Variants in GPHN observed in about 807,000 individuals in gnomAD.
GPHN encodes the protein gephyrin.
Under a neutral mutation model 95.5 loss-of-function variants are expected in GPHN, and 17 were observed. That is an observed-to-expected ratio of 0.18 (90% CI 0.12 to 0.27). The LOEUF (loss-of-function observed/expected upper bound fraction) is 0.27, where lower values mean the gene tolerates loss of function less well. GPHN is among the 10% of genes least tolerant of loss of function. GPHN has a pLI of 1.00. For missense variants in GPHN, 660 were observed against 978.1 expected (o/e 0.67, Z 4.34); for synonymous variants, 320 against 322.5 (o/e 0.99, Z 0.08).
intron 11 of GPHN, among the ~76,000 whole-genome samples, chr14:67,069,939 T>A: frequency 6.6e-6 from 1 of 152,240 alleles, no homozygotes; most frequent in East Asian, 1.9e-4. Context: ...CATATATTTT[T>A]ATTATCCAAA....
chr14:67,323,641 T>A, the GPHN span: 1 of 525,024 alleles, frequency 1.9e-6, no homozygotes. Flanking sequence ...TATATATCAG[T>A]ATTATTAGGA....
chr14:67,028,222 T>C (rs564779812), intron 10 of GPHN, among the ~76,000 whole-genome samples: 1 of 152,344 alleles, frequency 6.6e-6, no homozygotes, highest in African/African-American at 2.4e-5. Context: ...TTTTAAATAG[T>C]AGTCCATTGT....
the GPHN span, among the ~76,000 whole-genome samples, chr14:67,657,598 G>GCACGCACACACACACA: frequency 8.9e-6 from 1 of 112,372 alleles, no homozygotes; most frequent in African/African-American, 3.5e-5. Context: ...GCGCGCGCGT[G>GCACGCACACACACACA]CACACACACA....
intron 9 of GPHN, among the ~76,000 whole-genome samples, chr14:67,011,100 T>C (rs1386672542): frequency 6.6e-6 from 1 of 152,168 alleles, no homozygotes; most frequent in Non-Finnish European, 1.5e-5. Context: ...ATGTTTCAAA[T>C]GTTATATATA....
At chr14:67,690,410 G>T in the GPHN span, 2 of 1,614,106 alleles carry the variant, frequency 1.2e-6, no homozygotes, top group Non-Finnish European at 1.7e-6. Flanking sequence ...AGATGGGTTA[G>T]GAGGAAGTGA....
At chr14:67,377,064 T>C in the GPHN span, among the ~76,000 whole-genome samples, 1 of 152,158 alleles carries the variant, frequency 6.6e-6, no homozygotes, top group African/African-American at 2.4e-5. Flanking sequence ...GGTCCTATTA[T>C]TTGTCATCTT....
chr14:66,914,236 A>G (rs891201485), intron 5 of GPHN, among the ~76,000 whole-genome samples: 5 of 152,172 alleles, frequency 3.3e-5, no homozygotes, highest in African/African-American at 1.2e-4. Flanking sequence ...TTGGAGACAT[A>G]AAAAGCCTGG....
At chr14:66,842,028 G>C (rs770648751) in intron 4 of GPHN, among the ~76,000 whole-genome samples, 202 of 152,030 alleles carry the variant, frequency 1.3e-3, no homozygotes, top group Non-Finnish European at 2.3e-3. Context: ...ACTCCAGCCT[G>C]GGTGACAGAG....
At chr14:67,341,483 C>T in the GPHN span, among the ~76,000 whole-genome samples, 2 of 151,552 alleles carry the variant, frequency 1.3e-5, no homozygotes, top group Admixed American at 6.6e-5. Context: ...GCCCCCGGCC[C>T]GGCCAGCCGC....
chr14:67,647,235 CTT>C, the GPHN span: 1 of 456,734 alleles, frequency 2.2e-6, no homozygotes, highest in South Asian at 4.3e-5. Flanking sequence ...TTGCCTAGAT[CTT>C]CTGTCTCATG....
chr14:66,605,530 T>G (rs907257708), intron 1 of GPHN, among the ~76,000 whole-genome samples: 2 of 145,870 alleles, frequency 1.4e-5, no homozygotes, highest in East Asian at 3.9e-4. Context: ...TTTGCCGATT[T>G]TTTTTTTTTT....
At chr14:66,740,840 T>C (rs577083901) in intron 2 of GPHN, among the ~76,000 whole-genome samples, 2 of 152,324 alleles carry the variant, frequency 1.3e-5, no homozygotes, top group African/African-American at 4.8e-5. Context: ...TGCAATTTAG[T>C]AAGTGTCTTA....
chr14:67,601,862 C>T, the GPHN span, among the ~76,000 whole-genome samples: 259 of 151,540 alleles, frequency 1.7e-3, 1 homozygote, highest in African/African-American at 6.0e-3. Flanking sequence ...CAGAGCAAGA[C>T]TGTGTCTATA....
intron 5 of GPHN, among the ~76,000 whole-genome samples, chr14:66,881,234 T>A (rs1183449496): frequency 6.6e-6 from 1 of 151,900 alleles, no homozygotes; most frequent in Non-Finnish European, 1.5e-5. Context: ...AAATAAAGAA[T>A]TAAAGTACCA....
chr14:66,643,687 G>A (rs2064569865), intron 1 of GPHN, among the ~76,000 whole-genome samples: 1 of 151,394 alleles, frequency 6.6e-6, no homozygotes, highest in Admixed American at 6.6e-5. Context: ...TTAATATATA[G>A]TGTTAGAAGT....
At chr14:67,259,283 G>T in the GPHN span, among the ~76,000 whole-genome samples, 2 of 151,936 alleles carry the variant, frequency 1.3e-5, no homozygotes, top group Non-Finnish European at 2.9e-5. Context: ...AGCCCAAAGT[G>T]AATGAAAGTA....
the GPHN span, among the ~76,000 whole-genome samples, chr14:67,198,815 A>T: frequency 6.6e-6 from 1 of 152,312 alleles, no homozygotes; most frequent in African/African-American, 2.4e-5. Flanking sequence ...GAGCAATGCT[A>T]ACTTTTCTCT....
At chr14:67,390,671 G>C in the GPHN span, 10 of 1,609,844 alleles carry the variant, frequency 6.2e-6, no homozygotes, top group Non-Finnish European at 8.5e-6. Context: ...ACTTTGGAAG[G>C]GTCATAGTAA....
chr14:67,177,412 T>A (rs2083053738), intron 21 of GPHN, among the ~76,000 whole-genome samples: 1 of 152,218 alleles, frequency 6.6e-6, no homozygotes, highest in Non-Finnish European at 1.5e-5. Context: ...TAATCCTGAG[T>A]TCTAATTTGA....
Sources: gnomAD v4.1 joint callset for allele counts (sites outside exome capture counted in the v4.1 genomes callset) on GRCh38, gnomAD v4.1.1 for gene constraint, MANE v1.5 for transcripts, NCBI Gene and HGNC (gene_info 2026-07-23, HGNC 2026-07-21) for gene names.